Variants in C1QTNF7 observed in about 807,000 individuals in gnomAD.
The protein encoded by C1QTNF7 is complement C1q tumor necrosis factor-related protein 7.
A neutral mutation model predicts 19.6 loss-of-function variants in C1QTNF7; 15 were observed. The ratio of observed to expected loss-of-function variants is 0.76; its 90% confidence interval spans 0.51 to 1.18. The LOEUF is 1.18. C1QTNF7 is among the 50% of genes most tolerant of loss of function. The probability of loss-of-function intolerance (pLI) is 0.00; values close to 1 mark genes in which losing one functional copy is unlikely to be tolerated. For synonymous variants in C1QTNF7, 142 were observed against 137.5 expected, an observed-to-expected ratio of 1.03 and a Z score of -0.23; for missense variants, 324 against 359.7, an observed-to-expected ratio of 0.90 and a Z score of 0.80.
intron 1 of C1QTNF7, among the ~76,000 whole-genome samples, chr4:15,398,971 G>A (rs534070167): frequency 1.3e-5 from 2 of 152,304 alleles, no homozygotes; most frequent in South Asian, 4.1e-4. Context: ...CGTATGCACA[G>A]TGGCCTGTTA....
chr4:15,420,855 T>TTTTTA (rs1553890372), intron 1 of C1QTNF7, among the ~76,000 whole-genome samples: 3 of 147,154 alleles, frequency 2.0e-5, no homozygotes, highest in South Asian at 2.2e-4. Flanking sequence ...TTTTTTTTTT[T>TTTTTA]ACCAAACCTC....
chr4:15,442,362 G>A lies in C1QTNF7; in HGVS notation c.433G>A (p.Val145Met), dbSNP rs763723180. ...LPGVCRCGSI[V>M]LKSAFSVGIT... ...TGGAGTTTGCAGATGTGGAAGCATC[G>A]TGCTCAAATCCGCCTTTTCTGTTGG... The change falls in exon 3 of 3, where the codon GTG becomes ATG. Residue 145 changes from valine to methionine, a missense_variant. By Grantham distance (21) the Val-to-Met change is conservative (BLOSUM62 1). Coordinates refer to ENST00000444304, the MANE Select transcript of C1QTNF7 (RefSeq NM_031911.5). The A allele has an allele frequency of 1.4e-5, 23 of 1,614,006 alleles. No homozygotes were observed. Among genetic ancestry groups the A allele is most frequent in the African/African-American group, 8.0e-5 (6 of 74,908 alleles).
intron 1 of C1QTNF7, among the ~76,000 whole-genome samples, chr4:15,355,134 A>G (rs1479753880): frequency 2.0e-5 from 3 of 152,152 alleles, no homozygotes; most frequent in African/African-American, 7.2e-5. Flanking sequence ...TAGAAACATG[A>G]GGATCTGAGG....
At chr4:15,372,354 A>G (rs760441074) in intron 1 of C1QTNF7, among the ~76,000 whole-genome samples, 4 of 152,180 alleles carry the variant, frequency 2.6e-5, no homozygotes, top group Non-Finnish European at 4.4e-5. Flanking sequence ...TCTGCCCACC[A>G]TATGAGGACA....
chr4:15,433,136 T>C (rs1234103454), intron 1 of C1QTNF7, among the ~76,000 whole-genome samples: 2 of 152,160 alleles, frequency 1.3e-5, no homozygotes, highest in East Asian at 1.9e-4. Flanking sequence ...GCCAATAGCC[T>C]TGCACCCCAT....
At chr4:15,403,199 G>A (rs1209046223) in intron 1 of C1QTNF7, among the ~76,000 whole-genome samples, 2 of 152,080 alleles carry the variant, frequency 1.3e-5, no homozygotes, top group East Asian at 1.9e-4. Flanking sequence ...CCCAGGCAGC[G>A]CAGCCCTTCC....
intron 1 of C1QTNF7, among the ~76,000 whole-genome samples, chr4:15,342,318 C>G (rs773824842): frequency 5.9e-5 from 9 of 152,174 alleles, no homozygotes; most frequent in Non-Finnish European, 1.0e-4. Context: ...ACGTTTCGGG[C>G]CACAAGTTTG....
intron 1 of C1QTNF7, among the ~76,000 whole-genome samples, chr4:15,389,950 A>G (rs533410868): frequency 1.3e-5 from 2 of 152,322 alleles, no homozygotes. Context: ...AATCAGGGTT[A>G]TTAGTCTGTG....
chr4:15,392,968 A>G (rs903124968), intron 1 of C1QTNF7, among the ~76,000 whole-genome samples: 6 of 152,110 alleles, frequency 3.9e-5, no homozygotes, highest in African/African-American at 7.2e-5. Flanking sequence ...ATATAATTTG[A>G]CTGTGTCCCC....
chr4:15,358,441 T>C (rs559202596), intron 1 of C1QTNF7: 1 of 152,340 alleles, frequency 6.6e-6, no homozygotes, highest in Non-Finnish European at 1.5e-5. Context: ...TCATGGTGGA[T>C]AAGCTTTTTG....
chr4:15,410,847 T>C lies in C1QTNF7; in HGVS notation c.14-24889T>C, dbSNP rs577181442. Among the ~76,000 whole-genome samples the C allele has an allele frequency of 3.3e-3, 509 of 152,332 alleles. 3 individuals carry two copies. Among genetic ancestry groups the C allele is most frequent in the Non-Finnish European group, 3.4e-3 (229 of 68,020 alleles). ...AGCAGCACGAAGGCAGCCTGTAATC[T>C]ACCAGAGACATACAGAATTGCAACA... is the stretch of plus-strand genomic sequence containing the variant. On this transcript the variant is annotated intron_variant, in intron 1 of 2. Coordinates refer to the C1QTNF7 transcript ENST00000295297.
At chr4:15,428,569 AACACAG>A in intron 1 of C1QTNF7, among the ~76,000 whole-genome samples, 1 of 152,304 alleles carries the variant, frequency 6.6e-6, no homozygotes, top group Non-Finnish European at 1.5e-5. Flanking sequence ...AGATAGCCAT[AACACAG>A]TGCAATTGTG....
chr4:15,439,415 C>G (rs374606294), intron 2 of C1QTNF7, among the ~76,000 whole-genome samples: 1 of 152,194 alleles, frequency 6.6e-6, no homozygotes, highest in Non-Finnish European at 1.5e-5. Context: ...TAGTCCAACA[C>G]TTTCGTTTCA....
At chr4:15,417,418 T>C (rs1459603309) in intron 1 of C1QTNF7, among the ~76,000 whole-genome samples, 2 of 152,258 alleles carry the variant, frequency 1.3e-5, no homozygotes, top group Non-Finnish European at 2.9e-5. Context: ...TCATGAAACA[T>C]GTGACTATGT....
At chr4:15,402,094 A>G (rs1430449597) in intron 1 of C1QTNF7, among the ~76,000 whole-genome samples, 3 of 152,218 alleles carry the variant, frequency 2.0e-5, no homozygotes, top group Non-Finnish European at 4.4e-5. Context: ...CAAGATATGG[A>G]CTGTGAAAAT....
chr4:15,426,590 T>G (rs186203098), upstream of C1QTNF7, among the ~76,000 whole-genome samples: 21 of 152,302 alleles, frequency 1.4e-4, no homozygotes, highest in African/African-American at 4.3e-4. Flanking sequence ...ATTAGAGAAG[T>G]TGTGAATGAC....
chr4:15,408,488 A>C (rs1417771714), intron 1 of C1QTNF7, among the ~76,000 whole-genome samples: 2 of 152,124 alleles, frequency 1.3e-5, no homozygotes, highest in Non-Finnish European at 2.9e-5. Flanking sequence ...AGATACAGAT[A>C]AGTATATATG....
chr4:15,431,895 G>GA (rs1429808827), intron 1 of C1QTNF7, among the ~76,000 whole-genome samples: 10 of 152,266 alleles, frequency 6.6e-5, no homozygotes, highest in African/African-American at 2.2e-4. Flanking sequence ...ATAAAGAATA[G>GA]AAAAAATGTA....
chr4:15,392,275 A>G (rs182787100), intron 1 of C1QTNF7, among the ~76,000 whole-genome samples: 1 of 152,206 alleles, frequency 6.6e-6, no homozygotes, highest in Admixed American at 6.5e-5. Flanking sequence ...CAGATCCATG[A>G]TTCACACCTG....
Sources: gnomAD v4.1 joint callset for allele counts (sites outside exome capture counted in the v4.1 genomes callset) on GRCh38, gnomAD v4.1.1 for gene constraint, MANE v1.5 for transcripts, NCBI Gene and HGNC (gene_info 2026-07-23, HGNC 2026-07-21) for gene names.